NUCB2: variants seen among roughly 807,000 people sequenced by gnomAD.
NUCB2 encodes nucleobindin 2, also known as nucleobindin-2.
A neutral mutation model predicts 57.9 loss-of-function variants in NUCB2; 48 were observed. The observed-to-expected ratio is 0.83, with a 90% confidence interval of 0.66 to 1.05. The LOEUF (loss-of-function observed/expected upper bound fraction) is 1.05, where lower values mean the gene tolerates loss of function less well. Among genes scored for constraint, NUCB2 ranks in the 50% least tolerant of loss-of-function variants. The pLI is 0.00. For synonymous variants in NUCB2, 139 were observed against 152.1 expected, an observed-to-expected ratio of 0.91 and a Z score of 0.64; for missense variants, 442 against 476.2, an observed-to-expected ratio of 0.93 and a Z score of 0.67.
intron 11 of NUCB2, among the ~76,000 whole-genome samples, chr11:17,315,683 T>C (rs10466382): frequency 0.23 from 35,516 of 152,082 alleles, 4,924 homozygotes; most frequent in East Asian, 0.51. Flanking sequence ...CTGCATAAAA[T>C]TGGAAGTCTT....
chr11:17,286,224 C>G (rs189686691), intron 2 of NUCB2, among the ~76,000 whole-genome samples: 16 of 152,142 alleles, frequency 1.1e-4, no homozygotes, highest in Admixed American at 9.8e-4. Context: ...TTTGTAGAGA[C>G]AGAGGTTTCA....
chr11:17,320,588 T>C (rs1949897116), intron 11 of NUCB2, among the ~76,000 whole-genome samples: 1 of 152,036 alleles, frequency 6.6e-6, no homozygotes, highest in African/African-American at 2.4e-5. Flanking sequence ...ACCTGGGAGA[T>C]GGAGGTTGCA....
chr11:17,337,605 T>C (rs1299250932), intron 2 of NUCB2: 1 of 152,194 alleles, frequency 6.6e-6, no homozygotes, highest in Non-Finnish European at 1.5e-5. Context: ...TTTCCAGGTG[T>C]GAGATTTGAA....
intron 2 of NUCB2, among the ~76,000 whole-genome samples, chr11:17,290,756 A>G (rs1944789026): frequency 6.6e-6 from 1 of 152,174 alleles, no homozygotes; most frequent in African/African-American, 2.4e-5. Context: ...AGCAAACAAA[A>G]ATCATTGAGA....
intron 11 of NUCB2, among the ~76,000 whole-genome samples, chr11:17,327,172 T>C (rs1413388593): frequency 2.0e-5 from 3 of 152,116 alleles, no homozygotes; most frequent in Non-Finnish European, 4.4e-5. Context: ...GTGATTCTTG[T>C]GGTTTAGGCT....
At chr11:17,345,601 G>T (rs2139669429) in intron 2 of NUCB2, among the ~76,000 whole-genome samples, 1 of 152,298 alleles carries the variant, frequency 6.6e-6, no homozygotes, top group South Asian at 2.1e-4. Context: ...CAGCTACTCA[G>T]GAGGCTGAGG....
chr11:17,333,809 G>T (rs1336337459), downstream of NUCB2: 1 of 152,184 alleles, frequency 6.6e-6, no homozygotes, highest in African/African-American at 2.4e-5. Context: ...ATTCTTCAGG[G>T]CTCCAGATTT....
chr11:17,317,693 G>A (rs1949441013), intron 11 of NUCB2: 1 of 212,796 alleles, frequency 4.7e-6, no homozygotes, highest in South Asian at 5.9e-5. Flanking sequence ...ACATGTTGAC[G>A]ATCCCCATAA....
In NUCB2 at chr11:17,310,948, G is replaced by C. The variant is rs372487746; in HGVS notation, c.607G>C (p.Glu203Gln). 1 of 1,594,522 alleles carries C rather than the reference G, an allele frequency of 6.3e-7. No individual in the cohort carries two copies. The highest frequency in any genetic ancestry group is 8.5e-7 in the Non-Finnish European group (1 of 1,174,152). Reference protein sequence around the residue: ...KTLNEEKRKEEESKFEEMKKK... With the variant: ...KTLNEEKRKEQESKFEEMKKK... ...ATTGAATGAAGAAAAGAGAAAAGAAGAAGAGTCTAAATTTGAAGAAATGAA... is the reference window on the plus strand; with the variant it reads ...ATTGAATGAAGAAAAGAGAAAAGAACAAGAGTCTAAATTTGAAGAAATGAA... The change falls in exon 7 of 14, where the codon GAA becomes CAA. Residue 203 changes from glutamate to glutamine, a missense_variant. Glu to Gln is a conservative substitution (Grantham distance 29). Transcript: ENST00000529010.
chr11:17,288,959 A>ATTT lies in NUCB2; in HGVS notation c.-1+6017_-1+6018insTTT, dbSNP rs532223454. 2.8e-4 allele frequency among the ~76,000 whole-genome samples: 19 copies of ATTT among 66,906 alleles called. 1 individual carries two copies. The highest frequency in any genetic ancestry group is 5.1e-4 in the Admixed American group (3 of 5,936). 43.9% of individuals were successfully genotyped at this position (66,906 alleles called of 152,430 possible). A position where few individuals can be genotyped will look rare whatever the true frequency, so the allele number is the denominator to read the frequency against. The stretch of plus-strand genomic sequence containing the variant: ...CACACACACACACACACATATATAT[A>ATTT]TATATTTTTTTTTTTTGAGATGGAG... On this transcript the variant is annotated intron_variant, in intron 2 of 13. Transcript: ENST00000529010.
At chr11:17,315,346 A>G (rs780218144) in intron 10 of NUCB2, 40 bp from the exon 11 acceptor site, 1 of 1,144,240 alleles carries the variant, frequency 8.7e-7, no homozygotes, top group East Asian at 2.4e-5. Flanking sequence ...AATATGAGAA[A>G]GATTTACTTT....
intron 11 of NUCB2, among the ~76,000 whole-genome samples, chr11:17,322,797 ACTT>A (rs1434027394): frequency 1.3e-5 from 2 of 151,812 alleles, no homozygotes; most frequent in Admixed American, 6.6e-5. Context: ...AGAGATCTTA[ACTT>A]CTTTGGTTAA....
chr11:17,296,689 A>G (rs12275573), intron 4 of NUCB2, among the ~76,000 whole-genome samples: 2,862 of 152,254 alleles, frequency 0.019, 94 homozygotes, highest in African/African-American at 0.065. Flanking sequence ...AATGGTACAG[A>G]GGCAAGAAGT....
chr11:17,302,158 G>A (rs1178527088), intron 5 of NUCB2, among the ~76,000 whole-genome samples: 2 of 152,074 alleles, frequency 1.3e-5, no homozygotes, highest in South Asian at 2.1e-4. Flanking sequence ...TGACCAAAGA[G>A]CTGGGATTAC....
chr11:17,292,326 T>C (rs947093544), intron 2 of NUCB2, among the ~76,000 whole-genome samples: 2 of 152,184 alleles, frequency 1.3e-5, no homozygotes, highest in East Asian at 1.9e-4. Context: ...TTTCCCACTT[T>C]CTATTTTTTA....
chr11:17,311,086 T>C, intron 7 of NUCB2, 76 bp downstream of exon 7: 4 of 1,409,062 alleles, frequency 2.8e-6, no homozygotes, highest in Non-Finnish European at 2.9e-6. Context: ...ATTGTGTTAT[T>C]AGTACTTAAA....
chr11:17,327,218 A>G (rs1304919735), intron 11 of NUCB2, among the ~76,000 whole-genome samples: 1 of 152,088 alleles, frequency 6.6e-6, no homozygotes, highest in African/African-American at 2.4e-5. Flanking sequence ...GTGCCATCAC[A>G]TCTGGCTGAT....
In NUCB2 at chr11:17,276,765, G is replaced by A. The variant is rs1441182436; in HGVS notation, c.-219G>A. 1 of 152,708 alleles carries A rather than the reference G, an allele frequency of 6.5e-6. No individual in the cohort carries two copies. Among genetic ancestry groups the A allele is most frequent in the Non-Finnish European group, 1.5e-5 (1 of 68,452 alleles). 9.5% of individuals were successfully genotyped at this position (152,708 alleles called of 1,614,324 possible). On this transcript the variant is annotated 5_prime_UTR_variant, in exon 1 of 14. Transcript: ENST00000529010. ...GAGCGGAGCGGTGGGCCGGGGGCTG[G>A]AGGACAGGTTTGTGCGCTGGACGCA...
intron 2 of NUCB2, among the ~76,000 whole-genome samples, chr11:17,286,926 T>G (rs1454234795): frequency 2.0e-5 from 3 of 152,186 alleles, no homozygotes; most frequent in East Asian, 3.8e-4. Context: ...TTACCATTTT[T>G]TTTTTAAATA....
Sources: gnomAD v4.1 joint callset for allele counts (sites outside exome capture counted in the v4.1 genomes callset) on GRCh38, gnomAD v4.1.1 for gene constraint, MANE v1.5 for transcripts, NCBI Gene and HGNC (gene_info 2026-07-23, HGNC 2026-07-21) for gene names.